The following DLG5 variants were observed in gnomAD, a reference collection of about 807,000 sequenced individuals.
DLG5 encodes the protein discs large MAGUK scaffold protein 5.
In DLG5, 48 loss-of-function variants were observed where a neutral mutation model predicts 189.8. The observed-to-expected ratio is 0.25, with a 90% CI of 0.20 to 0.32. The LOEUF is 0.32. Ranked by LOEUF, DLG5 falls within the 10% of genes least tolerant of loss-of-function variation. The probability of loss-of-function intolerance (pLI) is 1.00; values close to 1 mark genes in which losing one functional copy is unlikely to be tolerated. For synonymous variants in DLG5, 1,016 were observed against 1,054.1 expected, an observed-to-expected ratio of 0.96 and a Z score of 0.70; for missense variants, 2,160 against 2,544.7, an observed-to-expected ratio of 0.85 and a Z score of 3.25.
intron 27 of DLG5, among the ~76,000 whole-genome samples, chr10:77,800,284 A>G (rs1841132124): frequency 6.6e-6 from 1 of 152,228 alleles, no homozygotes; most frequent in Admixed American, 6.5e-5. Flanking sequence ...AAAAAATGAG[A>G]AATATCTTTT....
chr10:77,872,196 T>G (rs1019165044), intron 1 of DLG5, among the ~76,000 whole-genome samples: 2 of 152,232 alleles, frequency 1.3e-5, no homozygotes, highest in Admixed American at 6.5e-5. Context: ...ATGCCTCTGC[T>G]GGAACGCTCC....
intron 2 of DLG5, 42 bp downstream of exon 2, chr10:77,869,086 AC>A: frequency 6.3e-7 from 1 of 1,578,828 alleles, no homozygotes; most frequent in Non-Finnish European, 8.7e-7. Context: ...TTTCACCCAG[AC>A]CCCTGGCCCA....
At chr10:77,846,271 C>T (rs1464955337) in intron 5 of DLG5, among the ~76,000 whole-genome samples, 1 of 152,174 alleles carries the variant, frequency 6.6e-6, no homozygotes, top group Non-Finnish European at 1.5e-5. Flanking sequence ...AATGGGCTCA[C>T]CATGACTATA....
chr10:77,857,832 C>T (rs956068568), intron 2 of DLG5, among the ~76,000 whole-genome samples: 1 of 152,198 alleles, frequency 6.6e-6, no homozygotes, highest in African/African-American at 2.4e-5. Flanking sequence ...AGCAACCATC[C>T]AATTTGTGGA....
intron 1 of DLG5, among the ~76,000 whole-genome samples, chr10:77,880,505 G>A (rs1336186762): frequency 1.3e-5 from 2 of 152,094 alleles, no homozygotes; most frequent in Non-Finnish European, 2.9e-5. Context: ...ACTGCATGTG[G>A]TCAGGTCTTA....
intron 1 of DLG5, among the ~76,000 whole-genome samples, chr10:77,876,458 T>A (rs912962711): frequency 1.3e-5 from 2 of 149,392 alleles, no homozygotes; most frequent in African/African-American, 2.5e-5. Flanking sequence ...CACTGTAACC[T>A]CCACCTCCCA....
the DLG5 span, among the ~76,000 whole-genome samples, chr10:77,934,852 G>GTTT: frequency 1.2e-5 from 1 of 85,266 alleles, no homozygotes; most frequent in African/African-American, 3.3e-5. Context: ...CTTTTTTTTT[G>GTTT]TTTTTTTGTT....
intron 20 of DLG5, chr10:77,816,217 C>T (rs1219826807): frequency 3.4e-6 from 2 of 587,618 alleles, no homozygotes; most frequent in Admixed American, 2.2e-5. Context: ...CTGGCAGGGT[C>T]CCTGTAAGGA....
intron 5 of DLG5, among the ~76,000 whole-genome samples, chr10:77,847,666 GCACA>G (rs146678116): frequency 0.01 from 1,547 of 151,324 alleles, 24 homozygotes; most frequent in African/African-American, 0.035. Context: ...ACACGAGTGC[GCACA>G]CACACACACA....
intron 20 of DLG5, among the ~76,000 whole-genome samples, chr10:77,814,740 A>G (rs2154575400): frequency 6.6e-6 from 1 of 151,378 alleles, no homozygotes; most frequent in South Asian, 2.1e-4. Context: ...GTGCCTGGCT[A>G]ATTTTTGTAT....
In DLG5 at chr10:77,899,360, C is replaced by T. The variant is rs943381107; in HGVS notation, c.304+26857G>A. 3.9e-5 allele frequency among the ~76,000 whole-genome samples: 6 copies of T among 152,368 alleles called. No individual in the cohort carries two copies. In the South Asian group the frequency reaches 6.2e-4, roughly 16 times the overall value. On this transcript the variant is annotated intron_variant, in intron 1 of 31. Coordinates refer to ENST00000372391, the MANE Select transcript of DLG5 (RefSeq NM_004747.4). The stretch of plus-strand genomic sequence containing the variant: ...CCCCAAAGCCTGCTCCAATTCTCCA[C>T]CCCAGTACAATGGGCGTGCCCTCAG...
Position 77,835,939 on chromosome 10 carries a change from G to T in DLG5, c.1438-17C>A. ...GTCTTTGATCTGGTGGGAGCAAGGG[G>T]CAGGAAGAGGGAGAGGTTGCTGAGC... On this transcript the variant is annotated splice_polypyrimidine_tract_variant and intron_variant, in intron 7 of 31. Coordinates refer to ENST00000372391, the MANE Select transcript of DLG5 (RefSeq NM_004747.4). 6.2e-7 allele frequency: 1 copy of T among 1,600,828 alleles called. No homozygotes were observed. Among genetic ancestry groups the T allele is most frequent in the African/African-American group, 1.3e-5 (1 of 74,802 alleles).
In DLG5 at chr10:77,856,851, C is replaced by G; in HGVS notation, c.415G>C (p.Asp139His). 6.2e-7 allele frequency: 1 copy of G among 1,612,500 alleles called. No individual in the cohort carries two copies. Among genetic ancestry groups the G allele is most frequent in the South Asian group, 1.1e-5 (1 of 90,874 alleles). Residue 139 changes from aspartate to histidine, a missense_variant, in exon 3 of 32, where the codon GAC (aspartate) becomes CAC (histidine). Physicochemically the swap from Asp to His is moderately conservative, Grantham distance 81 (BLOSUM62 -1). Coordinates refer to ENST00000372391, the MANE Select transcript of DLG5 (RefSeq NM_004747.4). ...TCCACCTTCTCATTCACTTGCTGGT[C>G]AGTGAGGAGGGGTGGTGGGGACGGC... The part of the protein sequence containing the change: ...KAPSPPPLLT[D>H]QQVNEKVENL...
Position 77,805,839 on chromosome 10 carries a change from T to G in DLG5, c.4990A>C (p.Arg1664=), listed in dbSNP as rs746396118. The change falls in exon 27 of 32, where the codon AGG becomes CGG. Residue 1664 remains arginine, a synonymous_variant. Coordinates refer to ENST00000372391, the MANE Select transcript of DLG5 (RefSeq NM_004747.4). ...TCTTTGACTTCAGACATGCTGAGCC[T>G]CCTGGAGAATTCTTGGTCCATCCTG... ...KYVMDQEFSR[R]LSMSEVKDDN... 2.5e-6 allele frequency: 4 copies of G among 1,613,544 alleles called. No homozygotes were observed. The highest frequency in any genetic ancestry group is 2.2e-5 in the East Asian group (1 of 44,838).
intron 30 of DLG5, 134 bp downstream of exon 30, chr10:77,794,715 A>C: frequency 1.5e-6 from 1 of 661,574 alleles, no homozygotes; most frequent in East Asian, 2.7e-5. Flanking sequence ...TTCTACACGT[A>C]CTGCCTATTT....
At chr10:77,856,611 C>T in intron 3 of DLG5, 119 bp downstream of exon 3, 3 of 1,308,428 alleles carry the variant, frequency 2.3e-6, no homozygotes, top group Admixed American at 2.2e-5. Context: ...GGAAAGGGGA[C>T]ACTCAGGCAG....
In DLG5 at chr10:77,796,094, G is replaced by A. The variant is rs144553923; in HGVS notation, c.5403C>T (p.Thr1801=). Residue 1801 remains threonine, a synonymous_variant, in exon 29 of 32, where the codon ACC becomes ACT. Transcript: ENST00000372391. The surrounding 1 kb of genome is among the most constrained non-coding windows in gnomAD (Gnocchi z 5.2). ...YKRRSGHFDV[T]TVASIKEITE... ...TGATCTCCTTTATTGACGCCACAGT[G>A]GTCACATCGAAATGGCCGCTTCTCC... 4.5e-5 allele frequency: 72 copies of A among 1,614,184 alleles called. No individual in the cohort carries two copies. The East Asian group carries it at 1.6e-3, about 36-fold the overall frequency.
At chr10:77,830,124 C>T (rs1055697397) in intron 11 of DLG5, 93 bp downstream of exon 11, 124 of 1,522,834 alleles carry the variant, frequency 8.1e-5, no homozygotes, top group Middle Eastern at 2.3e-4. Context: ...GGCTGGGAAA[C>T]GTTCACCTAA....
At chr10:77,880,875 G>A (rs76125532) in intron 1 of DLG5, among the ~76,000 whole-genome samples, 5,794 of 149,914 alleles carry the variant, frequency 0.039, 240 homozygotes, top group East Asian at 0.25. Context: ...TGTAGGCTCA[G>A]AGAAGCCAAG....
Sources: allele counts gnomAD v4.1 joint callset (sites outside exome capture counted in the v4.1 genomes callset), GRCh38; gene constraint gnomAD v4.1.1; non-coding constraint Gnocchi (gnomAD v3.1); transcripts MANE v1.5; gene names NCBI Gene and HGNC (gene_info 2026-07-23, HGNC 2026-07-21).